SORCS2: variants seen among roughly 807,000 people sequenced by gnomAD.
SORCS2 encodes VPS10 domain-containing receptor SorCS2.
In SORCS2, 100 loss-of-function variants were observed where a neutral mutation model predicts 141.6. That is an observed-to-expected ratio of 0.71 (90% CI 0.60 to 0.83). SORCS2 has a LOEUF of 0.83. Among genes scored for constraint, SORCS2 ranks in the 40% least tolerant of loss-of-function variants. SORCS2 has a pLI of 0.00. For synonymous variants in SORCS2, 789 were observed against 676.9 expected (o/e 1.17, Z -2.57); for missense variants, 1,646 against 1,560.2 (o/e 1.05, Z -0.93).
intron 3 of SORCS2, among the ~76,000 whole-genome samples, chr4:7,629,162 G>A (rs567852759): frequency 1.3e-5 from 2 of 152,290 alleles, no homozygotes; most frequent in African/African-American, 4.8e-5. Flanking sequence ...ATTGCATGTT[G>A]TGTGTCGTAT....
intron 1 of SORCS2, among the ~76,000 whole-genome samples, chr4:7,326,268 G>T (rs555181198): frequency 6.6e-6 from 1 of 152,084 alleles, no homozygotes; most frequent in East Asian, 1.9e-4. Context: ...CTCAGCAGGG[G>T]TGTCAGGATC....
At chr4:7,603,916 T>A (rs1488452178) in intron 3 of SORCS2, among the ~76,000 whole-genome samples, 1 of 152,038 alleles carries the variant, frequency 6.6e-6, no homozygotes, top group Admixed American at 6.6e-5. Context: ...AGTTTACACA[T>A]CTTTGGGAGA....
intron 10 of SORCS2, among the ~76,000 whole-genome samples, chr4:7,687,312 T>G (rs1386046740): frequency 6.6e-6 from 1 of 152,102 alleles, no homozygotes; most frequent in African/African-American, 2.4e-5. Context: ...GCCTCCCTCC[T>G]CAGCAAGTCG....
At chr4:7,667,475 C>A (rs1181616440) in intron 8 of SORCS2, among the ~76,000 whole-genome samples, 1 of 152,224 alleles carries the variant, frequency 6.6e-6, no homozygotes, top group African/African-American at 2.4e-5. Context: ...TCCCCGGAAC[C>A]CTTGCACATG....
Position 7,386,294 on chromosome 4 carries a change from G to GCA in SORCS2, c.481-9987_481-9986dup, listed in dbSNP as rs1319032583. On this transcript the variant is annotated intron_variant, in intron 1 of 26. Transcript: ENST00000507866. ...GATACACACGCACATGCACACACAT[G>GCA]CACACACATACACATTTGCACACAC... Among the ~76,000 whole-genome samples, 3 of 72,668 alleles carry GCA rather than the reference G, an allele frequency of 4.1e-5. 1 individual carries two copies. The highest frequency in any genetic ancestry group is 2.6e-4 in the Admixed American group (2 of 7,720). 47.7% of individuals were successfully genotyped at this position (72,668 alleles called of 152,430 possible).
intron 3 of SORCS2, among the ~76,000 whole-genome samples, chr4:7,607,882 G>A (rs1718161714): frequency 6.6e-6 from 1 of 152,196 alleles, no homozygotes; most frequent in Non-Finnish European, 1.5e-5. Flanking sequence ...CTGGACCCCA[G>A]AGCGTCTTGG....
At chr4:7,606,197 T>C (rs12503735) in intron 3 of SORCS2, among the ~76,000 whole-genome samples, 37,134 of 152,072 alleles carry the variant, frequency 0.24, 5,085 homozygotes, top group Middle Eastern at 0.31. Flanking sequence ...TGACAACTCT[T>C]TGAAGGTGAG....
At chr4:7,302,997 C>T (rs375577245) in intron 1 of SORCS2, among the ~76,000 whole-genome samples, 13 of 152,292 alleles carry the variant, frequency 8.5e-5, no homozygotes, top group Admixed American at 4.6e-4. Context: ...TCCAAGCCTC[C>T]GTGGAGGGTC....
chr4:7,556,909 A>G (rs1377147301), intron 3 of SORCS2, among the ~76,000 whole-genome samples: 1 of 135,352 alleles, frequency 7.4e-6, no homozygotes, highest in African/African-American at 2.8e-5. Context: ...CCATCCATCC[A>G]TCCATCCACC....
chr4:7,196,785 T>C (rs1027007824), intron 1 of SORCS2, among the ~76,000 whole-genome samples: 46 of 152,286 alleles, frequency 3.0e-4, no homozygotes, highest in African/African-American at 9.9e-4. Context: ...GAACCCGATA[T>C]TTGTGTATAT....
rs1295553956 is a variant in SORCS2 at position 7,648,985 on chromosome 4, G to C, written c.814-5149G>C. ...CCTCCCCCGAGCCCAGCTGGCACTG[G>C]CACCAGGACATGAGGGTGTGGCGGA... On this transcript the variant is annotated intron_variant, in intron 4 of 26. Transcript: ENST00000507866. The surrounding 1 kb of genome is among the most constrained non-coding windows in gnomAD (Gnocchi z 4.2). Among the ~76,000 whole-genome samples the C allele has an allele frequency of 1.3e-5, 2 of 152,166 alleles. No individual in the cohort carries two copies. The highest frequency in any genetic ancestry group is 2.9e-5 in the Non-Finnish European group (2 of 68,016).
chr4:7,332,184 G>A (rs1388294330), intron 1 of SORCS2, among the ~76,000 whole-genome samples: 1 of 152,246 alleles, frequency 6.6e-6, no homozygotes, highest in Non-Finnish European at 1.5e-5. Context: ...CAGGAGCTCA[G>A]GAAGGGCCTG....
At chr4:7,329,584 G>A (rs1413546128) in intron 1 of SORCS2, among the ~76,000 whole-genome samples, 3 of 152,192 alleles carry the variant, frequency 2.0e-5, no homozygotes, top group African/African-American at 7.2e-5. Context: ...CTTCAGCCCA[G>A]TTCTCCTGCC....
intron 1 of SORCS2, among the ~76,000 whole-genome samples, chr4:7,200,617 C>T (rs982679579): frequency 1.3e-5 from 2 of 152,178 alleles, no homozygotes; most frequent in Non-Finnish European, 2.9e-5. Context: ...GAATGCCCAG[C>T]CCAAGAACCT....
chr4:7,251,796 C>G lies in SORCS2; in HGVS notation c.480+58670C>G, dbSNP rs187757744. On this transcript the variant is annotated intron_variant, in intron 1 of 26. Coordinates refer to ENST00000507866, the MANE Select transcript of SORCS2 (RefSeq NM_020777.3). Reference sequence around the variant, plus strand: ...GTGACTTTGCTTATGTCTTGTTGGTCGCAGCTGGATCACATGGCCACCTCT... The same window carrying G: ...GTGACTTTGCTTATGTCTTGTTGGTGGCAGCTGGATCACATGGCCACCTCT... 2.0e-3 allele frequency among the ~76,000 whole-genome samples: 310 copies of G among 152,174 alleles called. 1 individual carries two copies. The highest frequency in any genetic ancestry group is 7.3e-3 in the African/African-American group (301 of 41,504).
chr4:7,724,304 ATGG>A (rs201900230), intron 19 of SORCS2, among the ~76,000 whole-genome samples: 56,598 of 125,044 alleles, frequency 0.45, 11,802 homozygotes, highest in East Asian at 0.72. Context: ...AATGGTGACA[ATGG>A]TGGTGGTGGT....
intron 8 of SORCS2, among the ~76,000 whole-genome samples, chr4:7,668,803 T>C (rs1022227602): frequency 3.3e-5 from 5 of 152,132 alleles, no homozygotes; most frequent in African/African-American, 9.7e-5. Flanking sequence ...TCCCTCGACC[T>C]TTGGGGGCTA....
rs77992219 is a variant in SORCS2, at chr4:7,425,410, C to T, written c.548+29055C>T. On this transcript the variant is annotated intron_variant, in intron 2 of 26. Coordinates refer to ENST00000507866, the MANE Select transcript of SORCS2 (RefSeq NM_020777.3). ...GCACTCGCTTCTGCTGTCCTGGTTT[C>T]GGTTTCCCCCGTGTCCTGGGAATGG... is the stretch of plus-strand genomic sequence containing the variant. 8.8e-3 allele frequency among the ~76,000 whole-genome samples: 1,344 copies of T among 152,312 alleles called. 15 individuals are homozygous for T. Among genetic ancestry groups the T allele is most frequent in the Non-Finnish European group, 0.015 (1,046 of 68,022 alleles).
Position 7,508,627 on chromosome 4 carries a change from C to A in SORCS2, c.549-22903C>A, listed in dbSNP as rs151275669. Among the ~76,000 whole-genome samples the A allele has an allele frequency of 2.5e-3, 383 of 152,220 alleles. 2 individuals are homozygous for A. Among genetic ancestry groups the A allele is most frequent in the African/African-American group, 9.1e-3 (377 of 41,528 alleles). ...TGCTGGGATTACAGGCACGAGCCAC[C>A]GCGCCTGGACTCAGACTCTTTATAC... On this transcript the variant is annotated intron_variant, in intron 2 of 26. Transcript: ENST00000507866.
Sources: gnomAD v4.1 joint callset for allele counts (sites outside exome capture counted in the v4.1 genomes callset) on GRCh38, gnomAD v4.1.1 for gene constraint, Gnocchi (gnomAD v3.1) non-coding constraint, MANE v1.5 for transcripts, NCBI Gene and HGNC (gene_info 2026-07-23, HGNC 2026-07-21) for gene names.